The following GLIS3 variants were observed in gnomAD, a reference collection of about 807,000 sequenced individuals.
GLIS3 encodes zinc finger protein GLIS3.
Under a neutral mutation model 78.6 loss-of-function variants are expected in GLIS3, and 53 were observed. That is an observed-to-expected ratio of 0.67 (90% CI 0.54 to 0.85). The LOEUF (loss-of-function observed/expected upper bound fraction) is 0.85, where lower values mean the gene tolerates loss of function less well. Among genes scored for constraint, GLIS3 ranks in the 40% least tolerant of loss-of-function variants. The pLI is 0.00. For synonymous variants in GLIS3, 684 were observed against 509.9 expected (o/e 1.34, Z -4.60); for missense variants, 1,703 against 1,231.1 (o/e 1.38, Z -5.74).
the GLIS3 span, among the ~76,000 whole-genome samples, chr9:4,456,684 T>A: frequency 6.6e-6 from 1 of 152,224 alleles, no homozygotes; most frequent in Non-Finnish European, 1.5e-5. Flanking sequence ...CAACTCTTCC[T>A]TTCATTTGAA....
At chr9:4,358,023 G>A in the GLIS3 span, among the ~76,000 whole-genome samples, 2 of 152,294 alleles carry the variant, frequency 1.3e-5, 1 homozygote, top group South Asian at 4.2e-4. Flanking sequence ...AGATAGGTCT[G>A]TATGATCTAA....
At chr9:4,488,898 G>A in the GLIS3 span, among the ~76,000 whole-genome samples, 4,088 of 150,202 alleles carry the variant, frequency 0.027, 186 homozygotes, top group African/African-American at 0.096. Flanking sequence ...TGACAGTCTC[G>A]CTCTGTCGCC....
At chr9:3,991,978 CCCT>C (rs1563927483) in intron 4 of GLIS3, among the ~76,000 whole-genome samples, 2 of 152,140 alleles carry the variant, frequency 1.3e-5, no homozygotes, top group African/African-American at 2.4e-5. Flanking sequence ...GCATGAGCCA[CCCT>C]GCCCGGCCAG....
chr9:4,240,971 G>A (rs1012636975), intron 2 of GLIS3, among the ~76,000 whole-genome samples: 1 of 141,592 alleles, frequency 7.1e-6, no homozygotes, highest in African/African-American at 2.6e-5. Context: ...GTGTGTGTGT[G>A]TACGTGTGTA....
chr9:4,248,028 C>T lies in GLIS3; in HGVS notation c.388+38010G>A, dbSNP rs530884908. ...ACTCTGTACCCTTGGACCAGTAATT[C>T]CCCATCCCTTCACTCCTCTCCTACC... On this transcript the variant is annotated intron_variant, in intron 2 of 10. Transcript: ENST00000381971. 2.6e-5 allele frequency among the ~76,000 whole-genome samples: 4 copies of T among 152,278 alleles called. No individual in the cohort carries two copies. In the South Asian group the frequency reaches 8.3e-4, roughly 32 times the overall value.
At chr9:4,165,293 T>C (rs2131102126) in intron 2 of GLIS3, among the ~76,000 whole-genome samples, 1 of 152,122 alleles carries the variant, frequency 6.6e-6, no homozygotes, top group African/African-American at 2.4e-5. Flanking sequence ...ATACAAAAAT[T>C]AGCCGGGCGT....
chr9:4,009,672 G>A lies in GLIS3; in HGVS notation c.1711-72483C>T, dbSNP rs77193315. On this transcript the variant is annotated intron_variant, in intron 4 of 10. Transcript: ENST00000381971. Reference sequence around the variant, plus strand: ...GGCAGTTCCAGAAGAGCAAAGAGGAGAAACAAGAGGCAATAAGGTGCATCT... The same window carrying A: ...GGCAGTTCCAGAAGAGCAAAGAGGAAAAACAAGAGGCAATAAGGTGCATCT... Among the ~76,000 whole-genome samples, 496 of 152,284 alleles carry A rather than the reference G, an allele frequency of 3.3e-3. 6 individuals are homozygous for A. The highest frequency in any genetic ancestry group is 0.012 in the African/African-American group (480 of 41,528).
At chr9:4,259,244 C>CTTTTATTTATTTATTTATTT (rs751630404) in intron 2 of GLIS3, among the ~76,000 whole-genome samples, 3,851 of 151,448 alleles carry the variant, frequency 0.025, 174 homozygotes, top group African/African-American at 0.087. Flanking sequence ...TTGCTCATTT[C>CTTTTATTTATTTATTTATTT]ATTTATTTAT....
intron 4 of GLIS3, among the ~76,000 whole-genome samples, chr9:4,074,069 T>C (rs1337434227): frequency 6.6e-6 from 1 of 152,214 alleles, no homozygotes; most frequent in African/African-American, 2.4e-5. Flanking sequence ...CTCTCTAGTA[T>C]TTCTATTTCT....
intron 4 of GLIS3, among the ~76,000 whole-genome samples, chr9:4,010,333 C>T (rs931769350): frequency 6.6e-6 from 1 of 152,148 alleles, no homozygotes; most frequent in African/African-American, 2.4e-5. Context: ...AAGATGATAA[C>T]ATCAATCACT....
At chr9:3,993,853 T>C (rs182158524) in intron 4 of GLIS3, among the ~76,000 whole-genome samples, 1 of 152,234 alleles carries the variant, frequency 6.6e-6, no homozygotes, top group African/African-American at 2.4e-5. Flanking sequence ...TTTTCTGTTA[T>C]AAATAATTTG....
In GLIS3 at chr9:4,134,485, T is replaced by G. The variant is rs1220305283; in HGVS notation, c.389-8544A>C. ...AACTTTGGTCATTTAGCAGAGTAATTTTACCTCTTAGCCTTAGTTTCTTCC... is the reference window on the plus strand; with the variant it reads ...AACTTTGGTCATTTAGCAGAGTAATGTTACCTCTTAGCCTTAGTTTCTTCC... On this transcript the variant is annotated intron_variant, in intron 2 of 10. Coordinates refer to ENST00000381971, the MANE Select transcript of GLIS3 (RefSeq NM_001042413.2). 2.0e-5 allele frequency among the ~76,000 whole-genome samples: 3 copies of G among 152,158 alleles called. No homozygotes were observed. The South Asian group carries it at 6.2e-4, about 32-fold the overall frequency.
intron 2 of GLIS3, among the ~76,000 whole-genome samples, chr9:4,343,410 A>C (rs776481499): frequency 1.3e-5 from 2 of 152,204 alleles, no homozygotes; most frequent in East Asian, 1.9e-4. Context: ...AAAGGTAAAA[A>C]AATAACATGC....
rs752848395 is a variant in GLIS3, at chr9:4,125,896, C to A, written c.434G>T (p.Ser145Ile). 8 of 1,613,842 alleles carry A rather than the reference C, an allele frequency of 5.0e-6. No homozygotes were observed. In the East Asian group the frequency reaches 1.8e-4, roughly 36 times the overall value. ...GCTGGTGACCACTAGATTGTTGCAGCTGCCTTTTCCAATGGACTTGCACTG... is the reference window on the plus strand; with the variant it reads ...GCTGGTGACCACTAGATTGTTGCAGATGCCTTTTCCAATGGACTTGCACTG... ...GPQCKSIGKG[S>I]CNNLVVTSSP... Residue 145 changes from serine to isoleucine, a missense_variant, in exon 3 of 11, where the codon AGC (serine) becomes ATC (isoleucine). Ser to Ile is a moderately radical substitution (Grantham distance 142). Coordinates refer to ENST00000381971, the MANE Select transcript of GLIS3 (RefSeq NM_001042413.2).
intron 2 of GLIS3, among the ~76,000 whole-genome samples, chr9:4,222,445 G>A (rs186954952): frequency 7.7e-4 from 117 of 152,220 alleles, no homozygotes; most frequent in Admixed American, 3.7e-3. Context: ...GCTTAGAATC[G>A]GCCTACCCTA....
chr9:4,032,723 T>C (rs750446743), intron 4 of GLIS3, among the ~76,000 whole-genome samples: 4 of 152,016 alleles, frequency 2.6e-5, no homozygotes, highest in Non-Finnish European at 4.4e-5. Context: ...CCATATACCC[T>C]ATGCCATGAG....
rs10974392 is a variant in GLIS3 at position 4,203,854 on chromosome 9, G to A, written c.389-77913C>T. 4.2e-3 allele frequency among the ~76,000 whole-genome samples: 635 copies of A among 152,284 alleles called. 5 individuals are homozygous for A. The highest frequency in any genetic ancestry group is 0.014 in the African/African-American group (600 of 41,542). ...CATTATCCTAAGTGAATTAACACAA[G>A]AACAGGAAGCCAAATACTCCATATT... is the stretch of plus-strand genomic sequence containing the variant. On this transcript the variant is annotated intron_variant, in intron 2 of 10. Coordinates refer to ENST00000381971, the MANE Select transcript of GLIS3 (RefSeq NM_001042413.2).
At chr9:4,096,458 T>C (rs1829956446) in intron 4 of GLIS3, among the ~76,000 whole-genome samples, 1 of 152,230 alleles carries the variant, frequency 6.6e-6, no homozygotes, top group Admixed American at 6.5e-5. Context: ...AATGACCCTT[T>C]CTTTAATTCA....
rs576905925 is a variant in GLIS3, at chr9:4,277,005, T to C, written c.388+9033A>G. Among the ~76,000 whole-genome samples the C allele has an allele frequency of 8.1e-4, 123 of 152,206 alleles. 1 individual carries two copies. The highest frequency in any genetic ancestry group is 2.7e-3 in the African/African-American group (114 of 41,510). The stretch of plus-strand genomic sequence containing the variant: ...AAGCCACATTGGAAGTGCAAGAAAA[T>C]ATAAATGATTAAAAAGCAGAAGTGA... On this transcript the variant is annotated intron_variant, in intron 2 of 10. Coordinates refer to ENST00000381971, the MANE Select transcript of GLIS3 (RefSeq NM_001042413.2).
Sources: allele counts gnomAD v4.1 joint callset (sites outside exome capture counted in the v4.1 genomes callset), GRCh38; gene constraint gnomAD v4.1.1; transcripts MANE v1.5; gene names NCBI Gene and HGNC (gene_info 2026-07-23, HGNC 2026-07-21).